Variants in KLHL5 observed in about 807,000 individuals in gnomAD.
KLHL5 encodes kelch-like protein 5.
A neutral mutation model predicts 77.7 loss-of-function variants in KLHL5; 48 were observed. That is an observed-to-expected ratio of 0.62 (90% CI 0.49 to 0.79). KLHL5 has a LOEUF of 0.79. KLHL5 is among the 30% of genes least tolerant of loss of function. KLHL5 has a pLI of 0.00. For missense variants in KLHL5, 723 were observed against 859.7 expected (o/e 0.84, Z 1.99); for synonymous variants, 260 against 297.0 (o/e 0.88, Z 1.28).
At chr4:39,126,416 GT>G (rs1461775364), downstream of KLHL5, among the ~76,000 whole-genome samples, 1 of 152,064 alleles carries the variant, frequency 6.6e-6, no homozygotes, top group Admixed American at 6.5e-5. Context: ...AGAGTACCGT[GT>G]TTTTTTGTAT....
chr4:39,093,274 T>C (rs1720755124), intron 5 of KLHL5: 2 of 428,560 alleles, frequency 4.7e-6, no homozygotes, highest in South Asian at 1.7e-5. Context: ...TATTGTATGA[T>C]TCTCTGTATA....
chr4:39,127,033 CTTG>C (rs1201547668), downstream of KLHL5, among the ~76,000 whole-genome samples: 4 of 152,150 alleles, frequency 2.6e-5, no homozygotes, highest in African/African-American at 7.2e-5. Context: ...CCATAAATAC[CTTG>C]TTATTACTCC....
intron 1 of KLHL5, among the ~76,000 whole-genome samples, chr4:39,048,638 C>T (rs76423939): frequency 4.7e-4 from 37 of 79,120 alleles, no homozygotes; most frequent in African/African-American, 1.1e-3. Flanking sequence ...TTTACATTGG[C>T]TTTTTTTTTT....
chr4:39,086,374 C>T, intron 4 of KLHL5, 141 bp from the exon 5 acceptor site: 1 of 655,562 alleles, frequency 1.5e-6, no homozygotes, highest in Non-Finnish European at 2.6e-6. Flanking sequence ...TGTTTCTTTC[C>T]TAACAAGTAA....
chr4:39,054,492 G>A (rs139332376), intron 1 of KLHL5, among the ~76,000 whole-genome samples: 1 of 152,254 alleles, frequency 6.6e-6, no homozygotes, highest in East Asian at 1.9e-4. Context: ...GCTCATTTGG[G>A]CACTTAAGAG....
chr4:39,138,712 A>G, the KLHL5 span, among the ~76,000 whole-genome samples: 1 of 152,200 alleles, frequency 6.6e-6, no homozygotes, highest in Non-Finnish European at 1.5e-5. Context: ...TGACACAAGT[A>G]TACCTATGTC....
At chr4:39,095,897 G>A (rs530155460) in intron 5 of KLHL5, among the ~76,000 whole-genome samples, 38 of 151,746 alleles carry the variant, frequency 2.5e-4, no homozygotes, top group African/African-American at 8.9e-4. Flanking sequence ...ACATATAAAT[G>A]TATGAGAATT....
At chr4:39,072,735 C>T (rs191369078) in intron 1 of KLHL5, among the ~76,000 whole-genome samples, 1 of 152,168 alleles carries the variant, frequency 6.6e-6, no homozygotes, top group East Asian at 1.9e-4. Flanking sequence ...ATATGCTAAA[C>T]AAAAGATATA....
rs757829926 is a variant in KLHL5, at chr4:39,115,230, G to C, written c.1973G>C (p.Cys658Ser). ...ATCAGCAGAGATGCAGTGGGGGTCT[G>C]TTTACTTGGTGATAAGTTATATGCT... ...MSISRDAVGVCLLGDKLYAVG... is the reference protein window; with the variant it reads ...MSISRDAVGVSLLGDKLYAVG... Residue 658 changes from cysteine to serine, a missense_variant, in exon 10 of 11, where the codon TGT becomes TCT. Cys to Ser is a moderately radical substitution (Grantham distance 112). Transcript: ENST00000504108. 1 of 1,613,882 alleles carries C rather than the reference G, an allele frequency of 6.2e-7. No individual in the cohort carries two copies. Among genetic ancestry groups the C allele is most frequent in the Non-Finnish European group, 8.5e-7 (1 of 1,179,952 alleles).
Position 39,081,634 on chromosome 4 carries a change from C to T in KLHL5, c.704-329C>T, listed in dbSNP as rs1719627621. 6.7e-6 allele frequency among the ~76,000 whole-genome samples: 1 copy of T among 150,344 alleles called. No individual in the cohort carries two copies. The highest frequency in any genetic ancestry group is 6.6e-5 in the Admixed American group (1 of 15,046). ...CAGTGAGCCATTGGTTACACCACTG[C>T]ACTCCAGCCTGGGCAATAGAACAAG... On this transcript the variant is annotated intron_variant, in intron 3 of 10. Transcript: ENST00000504108. This position sits in a 1 kb window ranked among gnomAD's most constrained non-coding sequence, Gnocchi z 4.3.
At chr4:39,114,822 A>G (rs1361398101) in intron 9 of KLHL5, among the ~76,000 whole-genome samples, 2 of 152,220 alleles carry the variant, frequency 1.3e-5, no homozygotes, top group African/African-American at 4.8e-5. Context: ...CAGCCCAAAA[A>G]TGGACAGCTA....
At chr4:39,117,936 T>C (rs1443306291) in intron 10 of KLHL5, among the ~76,000 whole-genome samples, 2 of 151,940 alleles carry the variant, frequency 1.3e-5, no homozygotes, top group Non-Finnish European at 2.9e-5. Context: ...TTAATGCTCC[T>C]GTAGTCCCAG....
chr4:39,070,271 G>A (rs546927675), intron 1 of KLHL5, among the ~76,000 whole-genome samples: 1 of 152,264 alleles, frequency 6.6e-6, no homozygotes, highest in South Asian at 2.1e-4. Context: ...AAAAGTAGAG[G>A]TGGGTTTTAT....
intron 1 of KLHL5, chr4:39,063,915 A>G (rs911207030): frequency 6.6e-6 from 1 of 152,442 alleles, no homozygotes; most frequent in Non-Finnish European, 1.5e-5. Context: ...TAGAGCATGA[A>G]AGTCATCTTT....
chr4:39,103,513 T>C lies in KLHL5; in HGVS notation c.1525+2T>C. 2 of 1,608,518 alleles carry C rather than the reference T, an allele frequency of 1.2e-6. No individual in the cohort carries two copies. Among genetic ancestry groups the C allele is most frequent in the Non-Finnish European group, 1.7e-6 (2 of 1,174,964 alleles). ...TGTCCACACATAGACATGGCCTTGG[T>C]AAGTACAACTATGCAGATTCACTCA... On this transcript the variant is annotated splice_donor_variant, in intron 7 of 10. Coordinates refer to ENST00000504108, the MANE Select transcript of KLHL5 (RefSeq NM_015990.5). LOFTEE classifies it high-confidence loss of function.
intron 1 of KLHL5, among the ~76,000 whole-genome samples, chr4:39,057,213 C>T (rs1027375494): frequency 3.3e-5 from 5 of 152,104 alleles, no homozygotes; most frequent in African/African-American, 4.8e-5. Context: ...AATTTAAAGT[C>T]AGAAATTATT....
In KLHL5 at chr4:39,081,597, A is replaced by C. The variant is rs1719624524; in HGVS notation, c.703+358A>C. On this transcript the variant is annotated intron_variant, in intron 3 of 10. Coordinates refer to ENST00000504108, the MANE Select transcript of KLHL5 (RefSeq NM_015990.5). This position sits in a 1 kb window ranked among gnomAD's most constrained non-coding sequence, Gnocchi z 4.3. ...GGACGGATGATCGCTTGAGCCCAGG[A>C]GTTCGATGCTGCAGTGAGCCATTGG... Among the ~76,000 whole-genome samples, 1 of 151,822 alleles carries C rather than the reference A, an allele frequency of 6.6e-6. No individual in the cohort carries two copies. The highest frequency in any genetic ancestry group is 1.5e-5 in the Non-Finnish European group (1 of 67,966).
intron 6 of KLHL5, 32 bp from the exon 7 acceptor site, chr4:39,103,255 T>C: frequency 2.7e-6 from 4 of 1,461,928 alleles, no homozygotes; most frequent in Non-Finnish European, 3.8e-6. Flanking sequence ...GTATAATTTC[T>C]ATTTACATAA....
intron 2 of KLHL5, among the ~76,000 whole-genome samples, chr4:39,077,996 G>T (rs1484454285): frequency 6.6e-6 from 1 of 152,192 alleles, no homozygotes; most frequent in Non-Finnish European, 1.5e-5. Flanking sequence ...TGGAACTGGA[G>T]ACTTACTCTA....
Sources: gnomAD v4.1 joint callset for allele counts (sites outside exome capture counted in the v4.1 genomes callset) on GRCh38, gnomAD v4.1.1 for gene constraint, Gnocchi (gnomAD v3.1) non-coding constraint, MANE v1.5 for transcripts, NCBI Gene and HGNC (gene_info 2026-07-23, HGNC 2026-07-21) for gene names.